Variants in LARP1 observed in about 807,000 individuals in gnomAD.
The protein encoded by LARP1 is La ribonucleoprotein 1, translational regulator.
LARP1 carries 36 observed loss-of-function variants against 122.7 expected under a neutral mutation model. The ratio of observed to expected loss-of-function variants is 0.29; its 90% CI spans 0.22 to 0.39. The LOEUF (loss-of-function observed/expected upper bound fraction) is 0.39. Ranked by LOEUF, LARP1 falls within the 10% of genes least tolerant of loss-of-function variation. The probability of loss-of-function intolerance (pLI) is 1.00; values close to 1 mark genes in which losing one functional copy is unlikely to be tolerated. For synonymous variants in LARP1, 539 were observed against 528.7 expected (o/e 1.02, Z -0.27); for missense variants, 1,040 against 1,403.6 (o/e 0.74, Z 4.14).
Position 154,755,632 on chromosome 5 carries a change from C to G in LARP1, c.-126C>G, listed in dbSNP as rs374080794. ...GGCCGCACCTCGCGTGAACCCCGACCCTTCTCTGCAGGGACTGGGGCCCAG... is the reference window on the plus strand; with the variant it reads ...GGCCGCACCTCGCGTGAACCCCGACGCTTCTCTGCAGGGACTGGGGCCCAG... On this transcript the variant is annotated 5_prime_UTR_variant, in exon 1 of 19. Transcript: ENST00000518297. 118 of 987,492 alleles carry G rather than the reference C, an allele frequency of 1.2e-4. 2 individuals carry two copies. In the East Asian group the frequency reaches 0.011, roughly 88 times the overall value. 61.2% of individuals were successfully genotyped at this position (987,492 alleles called of 1,614,324 possible). A position where few individuals can be genotyped will look rare whatever the true frequency, so the allele number is the denominator to read the frequency against.
intron 1 of LARP1, among the ~76,000 whole-genome samples, chr5:154,756,779 G>T (rs771421022): frequency 7.9e-5 from 12 of 152,286 alleles, no homozygotes; most frequent in Non-Finnish European, 1.3e-4. Context: ...TGAGGGGTCA[G>T]TTGTGGGGAG....
At chr5:154,736,910 G>C (rs1756935118) in intron 1 of LARP1, among the ~76,000 whole-genome samples, 1 of 151,882 alleles carries the variant, frequency 6.6e-6, no homozygotes. Context: ...TTTCCATGGT[G>C]GCTGCACCAT....
intron 1 of LARP1, among the ~76,000 whole-genome samples, chr5:154,742,212 G>C (rs527499070): frequency 2.0e-5 from 3 of 152,166 alleles, no homozygotes; most frequent in African/African-American, 7.2e-5. Flanking sequence ...GCTAGAATTG[G>C]GGCCTGGGCA....
intron 1 of LARP1, among the ~76,000 whole-genome samples, chr5:154,766,369 G>T (rs1050695619): frequency 6.6e-6 from 1 of 152,228 alleles, no homozygotes; most frequent in Admixed American, 6.5e-5. Context: ...TTAGGGCAAG[G>T]TTCCCAGATT....
rs1228920678 is a variant in LARP1, at chr5:154,794,159, C to G, written c.1129C>G (p.Pro377Ala). The G allele has an allele frequency of 6.2e-7, 1 of 1,614,140 alleles. No individual in the cohort carries two copies. The highest frequency in any genetic ancestry group is 1.1e-5 in the South Asian group (1 of 91,080). Residue 377 changes from proline (P) to alanine (A), a missense_variant, in exon 7 of 19, where the codon CCC (proline) becomes GCC (alanine). Physicochemically the swap from Pro to Ala is conservative, Grantham distance 27 (BLOSUM62 -1). Coordinates refer to ENST00000518297, the MANE Select transcript of LARP1 (RefSeq NM_033551.3). Reference sequence around the variant, plus strand: ...TGATGGTGTGGAGGGGCCTCGTACGCCCAAGTACATGAACAACATCACCTA... The same window carrying G: ...TGATGGTGTGGAGGGGCCTCGTACGGCCAAGTACATGAACAACATCACCTA... ...KFDGVEGPRTPKYMNNITYYF... is the reference protein window; with the variant it reads ...KFDGVEGPRTAKYMNNITYYF...
At chr5:154,759,978 C>T (rs994676616) in intron 1 of LARP1, among the ~76,000 whole-genome samples, 8 of 152,216 alleles carry the variant, frequency 5.3e-5, no homozygotes, top group Non-Finnish European at 8.8e-5. Context: ...CTGGCTCTGT[C>T]GCCCAGATTG....
intron 1 of LARP1, among the ~76,000 whole-genome samples, chr5:154,724,060 T>C (rs1207348119): frequency 1.3e-5 from 2 of 152,226 alleles, no homozygotes; most frequent in African/African-American, 4.8e-5. Context: ...GAGGCAACCA[T>C]GATCTTCCAG....
At position 154,793,959 on chromosome 5, in the gene LARP1, G is replaced by A; in HGVS notation, c.1028G>A (p.Gly343Glu). 6.2e-7 allele frequency: 1 copy of A among 1,612,196 alleles called. No homozygotes were observed. Among genetic ancestry groups the A allele is most frequent in the South Asian group, 1.1e-5 (1 of 91,016 alleles). ...ARASFRGRGR[G>E]RGRGRGRGRG... ...GCTTCCTTCCGTGGCCGTGGACGGG[G>A]GCGTGGTCGCGGCCGGGGACGCGGC... Residue 343 changes from glycine to glutamate, a missense_variant, in exon 6 of 19, where the codon GGG becomes GAG. By Grantham distance (98) the Gly-to-Glu change is moderately conservative (BLOSUM62 -2). This residue lies in a region of LARP1 where 178 missense variants were observed against 178.3 expected (regional missense o/e 1.00). Coordinates refer to ENST00000518297, the MANE Select transcript of LARP1 (RefSeq NM_033551.3).
chr5:154,795,038 T>C (rs1757637026), intron 7 of LARP1, 137 bp from the exon 8 acceptor site: 1 of 788,140 alleles, frequency 1.3e-6, no homozygotes, highest in Non-Finnish European at 2.1e-6. Context: ...CCCTCAACAC[T>C]GTTGGTATAT....
rs116510724 is a variant in LARP1 at position 154,808,325 on chromosome 5, G to A, written c.2699-134G>A. Reference sequence around the variant, plus strand: ...CTCAATAGATATCTGCTGAATGACTGAGTGGCAGATGATGAGTGAGGGGAT... The same window carrying A: ...CTCAATAGATATCTGCTGAATGACTAAGTGGCAGATGATGAGTGAGGGGAT... On this transcript the variant is annotated intron_variant, in intron 15 of 18. Coordinates refer to ENST00000518297, the MANE Select transcript of LARP1 (RefSeq NM_033551.3). The A allele has an allele frequency of 1.3e-3, 1,320 of 1,034,800 alleles. 9 individuals are homozygous for A. The African/African-American group carries it at 0.019, about 15-fold the overall frequency. The allele number at this position is 1,034,800 out of a possible 1,614,324, so 64.1% of individuals were successfully genotyped here.
intron 6 of LARP1, 49 bp from the exon 7 acceptor site, chr5:154,794,051 G>A: frequency 7.4e-6 from 12 of 1,611,560 alleles, no homozygotes; most frequent in Non-Finnish European, 1.0e-5. Flanking sequence ...TGCAGCAGGG[G>A]TGGTGGGCAG....
intron 1 of LARP1, among the ~76,000 whole-genome samples, chr5:154,761,528 A>G (rs1158793494): frequency 1.3e-5 from 2 of 152,116 alleles, no homozygotes; most frequent in African/African-American, 2.4e-5. Context: ...AGCTTGGCAG[A>G]TGGGAGTTCC....
At chr5:154,768,156 CCTAAATGGAT>C (rs2113642298) in intron 1 of LARP1, among the ~76,000 whole-genome samples, 1 of 152,144 alleles carries the variant, frequency 6.6e-6, no homozygotes, top group Non-Finnish European at 1.5e-5. Flanking sequence ...TAACAGTGCC[CCTAAATGGAT>C]TCAGTTGTCA....
intron 1 of LARP1, among the ~76,000 whole-genome samples, chr5:154,767,551 T>TG (rs1432964094): frequency 2.6e-5 from 4 of 152,194 alleles, no homozygotes; most frequent in Non-Finnish European, 5.9e-5. Context: ...AAGGACTCAC[T>TG]GGGGACCATA....
At chr5:154,811,776 C>T (rs931715375) in intron 18 of LARP1, 136 bp downstream of exon 18, 3 of 1,003,200 alleles carry the variant, frequency 3.0e-6, no homozygotes, top group African/African-American at 3.3e-5. Flanking sequence ...TTGGGCTTTG[C>T]TTTTTCACCT....
intron 1 of LARP1, among the ~76,000 whole-genome samples, chr5:154,704,647 C>CAAA (rs75268894): frequency 1.9e-5 from 1 of 52,808 alleles, no homozygotes; most frequent in African/African-American, 7.1e-5. Flanking sequence ...AACCCTGTCT[C>CAAA]AAAAAAAAAA....
chr5:154,697,062 A>G (rs1005396606), intron 1 of LARP1, among the ~76,000 whole-genome samples: 13 of 152,302 alleles, frequency 8.5e-5, no homozygotes, highest in Admixed American at 7.2e-4. Flanking sequence ...GTTCTGTCCT[A>G]TGTCATGCAC....
chr5:154,689,258 C>T (rs1039543041), intron 1 of LARP1, among the ~76,000 whole-genome samples: 1 of 152,152 alleles, frequency 6.6e-6, no homozygotes, highest in East Asian at 1.9e-4. Flanking sequence ...TTGAGACCAG[C>T]CTGGCCAATA....
chr5:154,687,915 T>C (rs1488609481), intron 1 of LARP1, among the ~76,000 whole-genome samples: 1 of 151,934 alleles, frequency 6.6e-6, no homozygotes, highest in Non-Finnish European at 1.5e-5. Flanking sequence ...AGGGAAGAAG[T>C]TGGGGTTTGT....
Sources: allele counts gnomAD v4.1 joint callset (sites outside exome capture counted in the v4.1 genomes callset), GRCh38; gene constraint gnomAD v4.1.1; regional missense constraint gnomAD v4.1.1; transcripts MANE v1.5; gene names NCBI Gene and HGNC (gene_info 2026-07-23, HGNC 2026-07-21).